MAP7: variants seen among roughly 807,000 people sequenced by gnomAD.
The protein encoded by MAP7 is ensconsin.
In MAP7, 52 loss-of-function variants were observed where a neutral mutation model predicts 94.8. The observed-to-expected ratio is 0.55, with a 90% CI of 0.44 to 0.69. MAP7 has a LOEUF of 0.69. MAP7 is among the 30% of genes least tolerant of loss of function. The pLI is 0.00. For missense variants in MAP7, 940 were observed against 964.6 expected, an observed-to-expected ratio of 0.97 and a Z score of 0.34; for synonymous variants, 350 against 357.0, an observed-to-expected ratio of 0.98 and a Z score of 0.22.
chr6:136,365,999 G>C lies in MAP7; in HGVS notation c.1009C>G (p.Pro337Ala). ...GGTCTGGGTGTGCCAGGCAAATGAG[G>C]AAGAGACTTGGACGGAAGCCTGGGC... ...SRLWLPSKSL[P>A]HLPGTPRPTS... Residue 337 changes from proline to alanine, a missense_variant, in exon 10 of 18, where the codon CCT becomes GCT. Pro to Ala is a conservative substitution (Grantham distance 27, BLOSUM62 -1). Transcript: ENST00000354570. The C allele has an allele frequency of 6.2e-7, 1 of 1,610,944 alleles. No homozygotes were observed. Among genetic ancestry groups the C allele is most frequent in the Non-Finnish European group, 8.5e-7 (1 of 1,179,694 alleles).
At chr6:136,494,667 A>G (rs937412240) in intron 1 of MAP7, among the ~76,000 whole-genome samples, 2 of 152,172 alleles carry the variant, frequency 1.3e-5, no homozygotes, top group Admixed American at 1.3e-4. Flanking sequence ...ATCCACAGGG[A>G]TCCCTCATTA....
intron 1 of MAP7, among the ~76,000 whole-genome samples, chr6:136,424,316 CTT>C (rs1182905282): frequency 2.4e-5 from 3 of 124,156 alleles, no homozygotes; most frequent in Middle Eastern, 4.0e-3. Context: ...TTGAATCTCT[CTT>C]CTTTCATTTA....
At position 136,365,870 on chromosome 6, in the gene MAP7, G is replaced by C; in HGVS notation, c.1138C>G (p.Pro380Ala). The C allele has an allele frequency of 6.2e-7, 1 of 1,614,124 alleles. No homozygotes were observed. The highest frequency in any genetic ancestry group is 8.5e-7 in the Non-Finnish European group (1 of 1,180,036). Reference sequence around the variant, plus strand: ...TCCTTCTCAGGATCTTTCTTCTCAGGCTCCACTTTGACTTCCCTCTTGACA... The same window carrying C: ...TCCTTCTCAGGATCTTTCTTCTCAGCCTCCACTTTGACTTCCCTCTTGACA... ...RPVKREVKVEPEKKDPEKEPQ... is the reference protein window; with the variant it reads ...RPVKREVKVEAEKKDPEKEPQ... The change falls in exon 10 of 18, where the codon CCT (proline) becomes GCT (alanine). Residue 380 changes from proline (P) to alanine (A), a missense_variant. Transcript: ENST00000354570.
intron 1 of MAP7, among the ~76,000 whole-genome samples, chr6:136,503,065 T>G (rs774267130): frequency 3.9e-5 from 6 of 152,140 alleles, no homozygotes; most frequent in Non-Finnish European, 8.8e-5. Flanking sequence ...TGTGTAGAGT[T>G]TATACTTTAC....
At chr6:136,502,573 G>A (rs1211223946) in intron 1 of MAP7, among the ~76,000 whole-genome samples, 2 of 152,206 alleles carry the variant, frequency 1.3e-5, no homozygotes, top group African/African-American at 4.8e-5. Context: ...GATGAATGTG[G>A]CATTCCTGCA....
intron 1 of MAP7, among the ~76,000 whole-genome samples, chr6:136,487,573 G>C (rs1025709848): frequency 2.0e-5 from 3 of 152,098 alleles, no homozygotes; most frequent in African/African-American, 7.2e-5. Flanking sequence ...GCCAGGCATG[G>C]TGGTGTGTGC....
intron 7 of MAP7, among the ~76,000 whole-genome samples, chr6:136,376,879 A>T (rs1399203612): frequency 6.6e-6 from 1 of 152,228 alleles, no homozygotes; most frequent in African/African-American, 2.4e-5. Flanking sequence ...AAAGCAGGCT[A>T]ATGAACATGG....
At chr6:136,408,597 T>A (rs1786355830) in intron 3 of MAP7, among the ~76,000 whole-genome samples, 1 of 152,202 alleles carries the variant, frequency 6.6e-6, no homozygotes, top group African/African-American at 2.4e-5. Context: ...TCCCTGGCTA[T>A]TCATTTTAAA....
At chr6:136,393,978 A>AATTTTT (rs1554242697) in intron 3 of MAP7, among the ~76,000 whole-genome samples, 1 of 36,202 alleles carries the variant, frequency 2.8e-5, no homozygotes. Flanking sequence ...CAGCAAAGGT[A>AATTTTT]TTTTTTTTTT....
chr6:136,415,658 A>G (rs899952671), intron 2 of MAP7, among the ~76,000 whole-genome samples: 4 of 152,208 alleles, frequency 2.6e-5, no homozygotes, highest in African/African-American at 9.7e-5. Flanking sequence ...TCTGATTTCT[A>G]TGCTATCATT....
intron 8 of MAP7, among the ~76,000 whole-genome samples, chr6:136,371,199 G>C (rs965809647): frequency 6.6e-6 from 1 of 152,186 alleles, no homozygotes; most frequent in Non-Finnish European, 1.5e-5. Flanking sequence ...TAACCTGTCA[G>C]CCACAGGTGG....
intron 16 of MAP7, among the ~76,000 whole-genome samples, chr6:136,354,984 G>A (rs1790462737): frequency 6.6e-6 from 1 of 152,168 alleles, no homozygotes; most frequent in African/African-American, 2.4e-5. Context: ...AGCACTTTGG[G>A]AGGCCAAGAT....
At chr6:136,538,696 A>G (rs1333305323) in intron 1 of MAP7, among the ~76,000 whole-genome samples, 1 of 146,440 alleles carries the variant, frequency 6.8e-6, no homozygotes, top group Non-Finnish European at 1.5e-5. Context: ...GGGGGCTGAG[A>G]TGGGAGGATC....
At chr6:136,465,301 T>C (rs1481742003) in intron 1 of MAP7, among the ~76,000 whole-genome samples, 1 of 152,194 alleles carries the variant, frequency 6.6e-6, no homozygotes, top group Non-Finnish European at 1.5e-5. Flanking sequence ...AATTCTCCCT[T>C]CAATTTTAAA....
intron 11 of MAP7, among the ~76,000 whole-genome samples, chr6:136,361,618 A>G (rs1420285849): frequency 6.6e-6 from 1 of 152,388 alleles, no homozygotes; most frequent in Non-Finnish European, 1.5e-5. Context: ...AGCCAAGGGA[A>G]AGGCATGGCC....
At chr6:136,537,215 G>C (rs1828959185) in intron 1 of MAP7, among the ~76,000 whole-genome samples, 1 of 151,494 alleles carries the variant, frequency 6.6e-6, no homozygotes, top group Non-Finnish European at 1.5e-5. Context: ...TGATCAGTTT[G>C]TAAATAAGTT....
chr6:136,492,105 G>T (rs1562458790), intron 1 of MAP7, among the ~76,000 whole-genome samples: 1 of 152,192 alleles, frequency 6.6e-6, no homozygotes, highest in Non-Finnish European at 1.5e-5. Context: ...AGGGGCAGGG[G>T]GTGGGGGGAG....
chr6:136,367,109 C>G (rs1319585180), intron 8 of MAP7, among the ~76,000 whole-genome samples: 2 of 152,096 alleles, frequency 1.3e-5, no homozygotes, highest in African/African-American at 2.4e-5. Flanking sequence ...TGAAGGTGGG[C>G]CAAAACATCA....
intron 1 of MAP7, among the ~76,000 whole-genome samples, chr6:136,448,391 A>T (rs1010045413): frequency 6.6e-6 from 1 of 151,994 alleles, no homozygotes; most frequent in Admixed American, 6.6e-5. Context: ...CTTGCCTTTT[A>T]AAAGGCTATG....
Sources: allele counts gnomAD v4.1 joint callset (sites outside exome capture counted in the v4.1 genomes callset), GRCh38; gene constraint gnomAD v4.1.1; transcripts MANE v1.5; gene names NCBI Gene and HGNC (gene_info 2026-07-23, HGNC 2026-07-21).